CASK: variants seen among roughly 807,000 people sequenced by gnomAD.
CASK encodes the protein calcium/calmodulin dependent serine protein kinase.
Under a neutral mutation model 82.9 loss-of-function variants are expected in CASK, and 4 were observed. The observed-to-expected ratio is 0.05, with a 90% confidence interval of 0.02 to 0.11. The LOEUF (loss-of-function observed/expected upper bound fraction) is 0.11, where lower values mean the gene tolerates loss of function less well. Among genes scored for constraint, CASK ranks in the 10% least tolerant of loss-of-function variants. The pLI, the probability that CASK is intolerant of heterozygous loss-of-function variation, is 1.00. For missense variants in CASK, 358 were observed against 720.9 expected, an observed-to-expected ratio of 0.50 and a Z score of 5.76; for synonymous variants, 259 against 253.5, an observed-to-expected ratio of 1.02 and a Z score of -0.20.
intron 5 of CASK, chrX:41,727,232 C>T: frequency 1.7e-6 from 2 of 1,203,876 alleles, no homozygotes; most frequent in Non-Finnish European, 2.3e-6. Flanking sequence ...AGTGCCATGC[C>T]TTTCATGAGT....
intron 1 of CASK, among the ~76,000 whole-genome samples, chrX:41,859,639 T>C (rs765820701): frequency 8.9e-6 from 1 of 111,881 alleles, no homozygotes; most frequent in Non-Finnish European, 1.9e-5. Context: ...AGGGACTGTC[T>C]AGTGTTCCTA....
intron 3 of CASK, among the ~76,000 whole-genome samples, chrX:41,762,721 T>C (rs1003368375): frequency 2.7e-5 from 3 of 111,716 alleles, no homozygotes; most frequent in Non-Finnish European, 5.6e-5. Flanking sequence ...ATGGTTTTAT[T>C]TGTACACATC....
intron 1 of CASK, among the ~76,000 whole-genome samples, chrX:41,890,669 A>G (rs2072148936): frequency 9.0e-6 from 1 of 111,002 alleles, no homozygotes; most frequent in African/African-American, 3.3e-5. Context: ...CTCTTAATTG[A>G]CCCCACTTAA....
At chrX:41,793,753 G>A (rs2069783184) in intron 2 of CASK, among the ~76,000 whole-genome samples, 1 of 111,836 alleles carries the variant, frequency 8.9e-6, no homozygotes. Context: ...AGTCATTATT[G>A]ACTCAACATA....
chrX:41,612,336 T>C (rs1431584987), intron 11 of CASK, among the ~76,000 whole-genome samples: 1 of 94,234 alleles, frequency 1.1e-5, no homozygotes, highest in Non-Finnish European at 2.1e-5. Context: ...GTGAGGAGCG[T>C]CTCTGCCCAG....
At chrX:41,528,925 T>C (rs771550882) in intron 25 of CASK, among the ~76,000 whole-genome samples, 36 of 112,144 alleles carry the variant, frequency 3.2e-4, no homozygotes, top group Admixed American at 4.7e-4. Context: ...TTCTCAGCTG[T>C]ACTGTGGTAT....
chrX:41,894,443 T>C (rs918441659), intron 1 of CASK, among the ~76,000 whole-genome samples: 1 of 110,749 alleles, frequency 9.0e-6, no homozygotes, highest in African/African-American at 3.3e-5. Flanking sequence ...TAAAAAAATT[T>C]CAACGAGTAA....
chrX:41,657,528 T>G lies in CASK; in HGVS notation c.831+2911A>C, dbSNP rs183200305. ...ATATATTCTTTTATATTTCTTTTTTTTTTGTTTGTTTGAGACAGAGTTTCG... is the reference window on the plus strand; with the variant it reads ...ATATATTCTTTTATATTTCTTTTTTGTTTGTTTGTTTGAGACAGAGTTTCG... On this transcript the variant is annotated intron_variant, in intron 8 of 26. Transcript: ENST00000378163. Among the ~76,000 whole-genome samples the G allele has an allele frequency of 3.1e-3, 341 of 111,511 alleles. 1 individual carries two copies. Among genetic ancestry groups the G allele is most frequent in the Non-Finnish European group, 3.8e-3 (204 of 53,045 alleles).
At chrX:41,759,909 T>C (rs1173681394) in intron 3 of CASK, among the ~76,000 whole-genome samples, 1 of 111,385 alleles carries the variant, frequency 9.0e-6, no homozygotes, top group African/African-American at 3.3e-5. Flanking sequence ...ATTTCCAGGG[T>C]CCTATATTTA....
chrX:41,645,514 C>T (rs991229407), intron 8 of CASK, among the ~76,000 whole-genome samples: 1 of 111,011 alleles, frequency 9.0e-6, no homozygotes, highest in African/African-American at 3.3e-5. Context: ...ACAATCAAAA[C>T]CACAGAGAAA....
At chrX:41,873,982 G>A (rs1331367639) in intron 1 of CASK, among the ~76,000 whole-genome samples, 5 of 109,199 alleles carry the variant, frequency 4.6e-5, no homozygotes, top group Admixed American at 9.7e-5. Context: ...GTAGAGACGG[G>A]GTTTCAGCAT....
Position 41,836,038 on chromosome X carries a change from C to T in CASK, c.172+17077G>A, listed in dbSNP as rs193205849. ...CCTGAAAAAATTCAAAACAGACACA[C>T]ATACACAAAACCATTAGGAAAAACA... On this transcript the variant is annotated intron_variant, in intron 2 of 26. Transcript: ENST00000378163. 2.7e-5 allele frequency among the ~76,000 whole-genome samples: 3 copies of T among 111,678 alleles called. No individual in the cohort carries two copies. In the Admixed American group the frequency reaches 2.8e-4, roughly 11 times the overall value.
intron 25 of CASK, among the ~76,000 whole-genome samples, chrX:41,529,008 A>G (rs1230340760): frequency 1.8e-5 from 2 of 112,419 alleles, no homozygotes; most frequent in Admixed American, 1.9e-4. Flanking sequence ...AGTGTAGTCA[A>G]CCAGACCAAC....
At chrX:41,557,225 A>C in intron 18 of CASK, 125 bp from the exon 19 acceptor site, 1 of 586,145 alleles carries the variant, frequency 1.7e-6, no homozygotes. Context: ...TATAGGTGCC[A>C]TACTGACTTG....
At chrX:41,610,950 A>C (rs1214960329) in intron 11 of CASK, among the ~76,000 whole-genome samples, 2 of 112,533 alleles carry the variant, frequency 1.8e-5, no homozygotes, top group Admixed American at 9.4e-5. Context: ...GAGAAACTCT[A>C]AGAATAAGTG....
At position 41,616,791 on chromosome X, in the gene CASK, T is replaced by C. The variant is rs185269641; in HGVS notation, c.1033+5826A>G. Among the ~76,000 whole-genome samples the C allele has an allele frequency of 4.5e-5, 5 of 111,232 alleles. No individual in the cohort carries two copies. In the East Asian group the frequency reaches 1.4e-3, roughly 32 times the overall value. On this transcript the variant is annotated intron_variant, in intron 11 of 26. Coordinates refer to ENST00000378163, the MANE Select transcript of CASK (RefSeq NM_001367721.1). ...CCCAGCTAATTTTTTGTGTTTTTAGTAGAGACGGGGTTTCACCATGTTGGC... is the reference window on the plus strand; with the variant it reads ...CCCAGCTAATTTTTTGTGTTTTTAGCAGAGACGGGGTTTCACCATGTTGGC...
chrX:41,709,261 A>G (rs914971643), intron 5 of CASK, among the ~76,000 whole-genome samples: 1 of 112,254 alleles, frequency 8.9e-6, no homozygotes, highest in Non-Finnish European at 1.9e-5. Context: ...AGGGAAACAC[A>G]GTATACTCAT....
chrX:41,672,175 G>C (rs933459536), intron 5 of CASK, among the ~76,000 whole-genome samples: 3 of 111,276 alleles, frequency 2.7e-5, no homozygotes, highest in Admixed American at 9.5e-5. Flanking sequence ...AGGTGAAAAA[G>C]GAGAAGGGGA....
Position 41,609,893 on chromosome X carries a change from G to T in CASK, c.1155+11C>A. 1.7e-6 allele frequency: 2 copies of T among 1,208,985 alleles called. No individual in the cohort carries two copies. Among genetic ancestry groups the T allele is most frequent in the Non-Finnish European group, 2.2e-6 (2 of 893,293 alleles). On this transcript the variant is annotated intron_variant, in intron 12 of 26. Coordinates refer to ENST00000378163, the MANE Select transcript of CASK (RefSeq NM_001367721.1). ...CACCAAAAAAGAAGAATAATAAAAA[G>T]ACAGACTTACATCTAGTAGTGTGTG... is the stretch of plus-strand genomic sequence containing the variant.
Sources: allele counts gnomAD v4.1 joint callset (sites outside exome capture counted in the v4.1 genomes callset), GRCh38; gene constraint gnomAD v4.1.1; transcripts MANE v1.5; gene names NCBI Gene and HGNC (gene_info 2026-07-23, HGNC 2026-07-21).